Variants in DENND1A observed in about 807,000 individuals in gnomAD.
DENND1A encodes the protein DENN domain-containing protein 1A.
In DENND1A, 51 loss-of-function variants were observed where a neutral mutation model predicts 113.7. The observed-to-expected ratio is 0.45, with a 90% CI of 0.36 to 0.57. DENND1A has a LOEUF of 0.57. Among genes scored for constraint, DENND1A ranks in the 20% least tolerant of loss-of-function variants. The pLI, the probability that DENND1A is intolerant of heterozygous loss-of-function variation, is 0.00. For synonymous variants in DENND1A, 565 were observed against 570.8 expected (o/e 0.99, Z 0.14); for missense variants, 1,258 against 1,395.9 (o/e 0.90, Z 1.57).
intron 5 of DENND1A, among the ~76,000 whole-genome samples, chr9:123,737,633 G>A (rs1269228119): frequency 1.3e-5 from 2 of 152,068 alleles, no homozygotes; most frequent in Non-Finnish European, 2.9e-5. Flanking sequence ...AGTATTATGT[G>A]GCAAAAGTAC....
At chr9:123,712,384 G>C (rs2066691817) in intron 5 of DENND1A, among the ~76,000 whole-genome samples, 1 of 152,216 alleles carries the variant, frequency 6.6e-6, no homozygotes, top group Non-Finnish European at 1.5e-5. Context: ...TCTGGAACCA[G>C]ATCACCAGTG....
chr9:123,606,868 A>G (rs1355761983), intron 11 of DENND1A, among the ~76,000 whole-genome samples: 2 of 152,272 alleles, frequency 1.3e-5, no homozygotes, highest in Admixed American at 1.3e-4. Context: ...ATTCAGAGCA[A>G]GAGGCACCAT....
At chr9:123,417,081 T>C (rs1020674517) in intron 19 of DENND1A, among the ~76,000 whole-genome samples, 1 of 152,250 alleles carries the variant, frequency 6.6e-6, no homozygotes, top group African/African-American at 2.4e-5. Flanking sequence ...TTATTTAATC[T>C]CTCTTAAGTC....
chr9:123,673,669 CAT>C (rs1008721189), intron 6 of DENND1A, among the ~76,000 whole-genome samples: 2 of 152,186 alleles, frequency 1.3e-5, no homozygotes, highest in Non-Finnish European at 2.9e-5. Flanking sequence ...ATAACACACA[CAT>C]GGAATCACAA....
intron 22 of DENND1A, 80 bp downstream of exon 22, chr9:123,387,650 C>A: frequency 7.9e-7 from 1 of 1,266,420 alleles, no homozygotes; most frequent in South Asian, 1.3e-5. Context: ...AGGCAAGCAG[C>A]ACCAGCCCCC....
At chr9:123,565,434 G>A (rs975072739) in intron 12 of DENND1A, among the ~76,000 whole-genome samples, 2 of 152,160 alleles carry the variant, frequency 1.3e-5, no homozygotes, top group African/African-American at 4.8e-5. Flanking sequence ...TCTCTTTCCT[G>A]GGAGTTGCAT....
intron 2 of DENND1A, among the ~76,000 whole-genome samples, chr9:123,848,156 T>A (rs979760757): frequency 1.4e-5 from 2 of 139,000 alleles, no homozygotes; most frequent in South Asian, 4.5e-4. Context: ...TAAATAAACA[T>A]GCAAAAATTT....
Position 123,764,400 on chromosome 9 carries a change from G to T in DENND1A, c.182+5114C>A, listed in dbSNP as rs1276052684. Among the ~76,000 whole-genome samples the T allele has an allele frequency of 6.6e-6, 1 of 152,182 alleles. No individual in the cohort carries two copies. Among genetic ancestry groups the T allele is most frequent in the African/African-American group, 2.4e-5 (1 of 41,434 alleles). ...TCCTTCAGTGCGTATGAGGCATGAGGCAGGAATGAAGCTTCATCAAACTAC... is the reference window on the plus strand; with the variant it reads ...TCCTTCAGTGCGTATGAGGCATGAGTCAGGAATGAAGCTTCATCAAACTAC... On this transcript the variant is annotated intron_variant, in intron 4 of 23. Coordinates refer to ENST00000394215, the MANE Select transcript of DENND1A (RefSeq NM_001352964.2). The surrounding 1 kb of genome is among the most constrained non-coding windows in gnomAD (Gnocchi z 4.1).
At chr9:123,592,736 C>G (rs1021951015) in intron 11 of DENND1A, among the ~76,000 whole-genome samples, 2 of 152,240 alleles carry the variant, frequency 1.3e-5, no homozygotes, top group Admixed American at 6.5e-5. Flanking sequence ...AACTCCTGGG[C>G]TCAAGTGATC....
In DENND1A at chr9:123,520,147, C is replaced by CAAA. The variant is rs777054330; in HGVS notation, c.993+37420_993+37422dup. Among the ~76,000 whole-genome samples the CAAA allele has an allele frequency of 2.4e-3, 88 of 37,312 alleles. 1 individual carries two copies. The highest frequency in any genetic ancestry group is 6.0e-3 in the African/African-American group (77 of 12,806). The allele number at this position is 37,312 out of a possible 152,430, so 24.5% of individuals were successfully genotyped here. On this transcript the variant is annotated intron_variant, in intron 13 of 23. Transcript: ENST00000394215. Reference sequence around the variant, plus strand: ...TGGGAAACAGAGCAAGATCCTGTCTCAAAAAAAAAAAAAAAAAAAAAAAAA... The same window carrying CAAA: ...TGGGAAACAGAGCAAGATCCTGTCTCAAAAAAAAAAAAAAAAAAAAAAAAAAAA...
At chr9:123,661,234 G>C (rs2063218256) in intron 8 of DENND1A, among the ~76,000 whole-genome samples, 1 of 152,188 alleles carries the variant, frequency 6.6e-6, no homozygotes, top group East Asian at 1.9e-4. Context: ...TCCTCTCCCA[G>C]CTCAATGAGC....
intron 18 of DENND1A, 92 bp from the exon 19 acceptor site, chr9:123,440,583 C>T: frequency 7.0e-7 from 1 of 1,420,628 alleles, no homozygotes; most frequent in Non-Finnish European, 9.2e-7. Context: ...CCAGGCGACT[C>T]TCTCCGTGAC....
chr9:123,780,702 T>G (rs1831179659), intron 3 of DENND1A, among the ~76,000 whole-genome samples: 1 of 152,342 alleles, frequency 6.6e-6, no homozygotes, highest in Non-Finnish European at 1.5e-5. Flanking sequence ...GAATTATATA[T>G]ATAAAGTATC....
rs146211606 is a variant in DENND1A, at chr9:123,754,324, T to C, written c.302+3379A>G. Among the ~76,000 whole-genome samples the C allele has an allele frequency of 3.7e-4, 57 of 152,288 alleles. No individual in the cohort carries two copies. The East Asian group carries it at 9.8e-3, about 26-fold the overall frequency. On this transcript the variant is annotated intron_variant, in intron 5 of 23. Coordinates refer to ENST00000394215, the MANE Select transcript of DENND1A (RefSeq NM_001352964.2). ...CCAGCTTTAACAGTAAACCCTTCCA[T>C]TTACATGCTAGTCTCAGCCTAGCAA...
At chr9:123,552,972 GC>G (rs1385229089) in intron 13 of DENND1A, among the ~76,000 whole-genome samples, 2 of 152,258 alleles carry the variant, frequency 1.3e-5, no homozygotes, top group Admixed American at 1.3e-4. Flanking sequence ...AGACCAGCAT[GC>G]CGGGCACGGT....
At chr9:123,684,598 T>G (rs1444718514) in intron 5 of DENND1A, among the ~76,000 whole-genome samples, 1 of 152,150 alleles carries the variant, frequency 6.6e-6, no homozygotes, top group East Asian at 1.9e-4. Flanking sequence ...TATATGTGGT[T>G]CCTCCCTAAG....
At chr9:123,667,796 T>C (rs140212554) in intron 7 of DENND1A, among the ~76,000 whole-genome samples, 48 of 152,286 alleles carry the variant, frequency 3.2e-4, no homozygotes, top group African/African-American at 1.1e-3. Flanking sequence ...TCTGAGATTA[T>C]ATTCATCTAT....
intron 2 of DENND1A, among the ~76,000 whole-genome samples, chr9:123,818,044 T>C (rs1201694616): frequency 1.3e-5 from 2 of 151,698 alleles, no homozygotes; most frequent in East Asian, 3.9e-4. Context: ...AGAAAAGAAA[T>C]ATACTATAAG....
chr9:123,397,905 G>A (rs1220679234), intron 21 of DENND1A, among the ~76,000 whole-genome samples: 2 of 152,222 alleles, frequency 1.3e-5, no homozygotes, highest in Non-Finnish European at 2.9e-5. Context: ...TTCTTACTTA[G>A]TACAGTGGAA....
Sources: allele counts gnomAD v4.1 joint callset (sites outside exome capture counted in the v4.1 genomes callset), GRCh38; gene constraint gnomAD v4.1.1; non-coding constraint Gnocchi (gnomAD v3.1); transcripts MANE v1.5; gene names NCBI Gene and HGNC (gene_info 2026-07-23, HGNC 2026-07-21).